The following RCBTB1 variants were observed in gnomAD, a reference collection of about 807,000 sequenced individuals.
The protein encoded by RCBTB1 is RCC1 and BTB domain containing protein 1.
A neutral mutation model predicts 62.4 loss-of-function variants in RCBTB1; 46 were observed. The observed-to-expected ratio is 0.74, with a 90% CI of 0.58 to 0.94. The LOEUF (loss-of-function observed/expected upper bound fraction) is 0.94, where lower values mean the gene tolerates loss of function less well. Ranked by LOEUF, RCBTB1 falls within the 40% of genes least tolerant of loss-of-function variation. The pLI is 0.00. For synonymous variants in RCBTB1, 222 were observed against 245.8 expected, an observed-to-expected ratio of 0.90 and a Z score of 0.91; for missense variants, 565 against 654.9, an observed-to-expected ratio of 0.86 and a Z score of 1.50.
At chr13:49,549,820 C>T (rs1409088381) in intron 8 of RCBTB1, 172 bp from the exon 9 acceptor site, 1 of 985,286 alleles carries the variant, frequency 1.0e-6, no homozygotes, top group African/African-American at 1.7e-5. Flanking sequence ...GGCAAGAGCA[C>T]TGTTCTCCTT....
At chr13:49,585,291 G>A (rs1033101897) in intron 1 of RCBTB1, among the ~76,000 whole-genome samples, 153 bp downstream of exon 1, 4 of 152,116 alleles carry the variant, frequency 2.6e-5, no homozygotes, top group African/African-American at 9.7e-5. Context: ...CCCGGACGCA[G>A]CGCCCGCAGG....
intron 12 of RCBTB1, among the ~76,000 whole-genome samples, chr13:49,537,327 T>A (rs112431182): frequency 7.7e-4 from 118 of 152,354 alleles, no homozygotes; most frequent in African/African-American, 2.8e-3. Flanking sequence ...TCTCAAAATG[T>A]ACTTAAACAT....
chr13:49,575,515 T>C (rs180906381), intron 2 of RCBTB1, among the ~76,000 whole-genome samples: 50 of 151,352 alleles, frequency 3.3e-4, no homozygotes, highest in South Asian at 2.7e-3. Flanking sequence ...TAGGTGCCCG[T>C]TGACAGTAGA....
chr13:49,583,569 T>TG (rs1463159811), intron 1 of RCBTB1, among the ~76,000 whole-genome samples: 36 of 152,128 alleles, frequency 2.4e-4, no homozygotes, highest in Middle Eastern at 3.4e-3. Context: ...TTTTTTGAGA[T>TG]GGAGTCTCAC....
chr13:49,544,207 C>T (rs1317909481), intron 10 of RCBTB1, among the ~76,000 whole-genome samples: 2 of 152,176 alleles, frequency 1.3e-5, no homozygotes, highest in African/African-American at 4.8e-5. Context: ...TGGTAGCTCA[C>T]ATCTGTAATG....
In RCBTB1 at chr13:49,555,668, A is replaced by T; in HGVS notation, c.450T>A (p.Phe150Leu). The T allele has an allele frequency of 1.9e-6, 3 of 1,584,268 alleles. No homozygotes were observed. Among genetic ancestry groups the T allele is most frequent in the Non-Finnish European group, 2.6e-6 (3 of 1,165,038 alleles). The change falls in exon 6 of 13, where the codon TTT becomes TTA. Residue 150 changes from phenylalanine to leucine, a missense_variant. Phe to Leu is a conservative substitution (Grantham distance 22). Transcript: ENST00000378302. ...GGCCACAGTTGTTATAACCCCAAGCAAACACCTACAAGAGAAAGAAAAAGG... is the reference window on the plus strand; with the variant it reads ...GGCCACAGTTGTTATAACCCCAAGCTAACACCTACAAGAGAAAGAAAAAGG... ...SMALAADGEV[F>L]AWGYNNCGQV... is the part of the protein sequence containing the mutation.
intron 4 of RCBTB1, among the ~76,000 whole-genome samples, chr13:49,562,136 T>C (rs1962489695): frequency 6.6e-6 from 1 of 151,236 alleles, no homozygotes; most frequent in Admixed American, 6.6e-5. Flanking sequence ...AAATAACCTG[T>C]AATTCTAAAT....
chr13:49,535,150 C>T (rs1959840898), intron 12 of RCBTB1, among the ~76,000 whole-genome samples: 2 of 152,178 alleles, frequency 1.3e-5, no homozygotes, highest in Middle Eastern at 3.4e-3. Context: ...TATCTCAGAA[C>T]ATCACCCCCA....
intron 1 of RCBTB1, among the ~76,000 whole-genome samples, chr13:49,583,661 C>T (rs1328568143): frequency 6.6e-6 from 1 of 152,058 alleles, no homozygotes; most frequent in Non-Finnish European, 1.5e-5. Context: ...ATTCTCGTAC[C>T]TCAGCCTCCT....
At chr13:49,551,817 G>A (rs1046209662) in intron 7 of RCBTB1, among the ~76,000 whole-genome samples, 5 of 151,314 alleles carry the variant, frequency 3.3e-5, no homozygotes, top group Non-Finnish European at 7.4e-5. Context: ...GGAGAATGGC[G>A]TGAACTCGGG....
rs1961257960 is a variant in RCBTB1 at position 49,550,758 on chromosome 13, A to G, written c.854+568T>C. Among the ~76,000 whole-genome samples, 3 of 152,290 alleles carry G rather than the reference A, an allele frequency of 2.0e-5. No individual in the cohort carries two copies. In the South Asian group the frequency reaches 6.2e-4, roughly 32 times the overall value. The stretch of plus-strand genomic sequence containing the variant: ...TCACAGGTGGTTATTTCAGAGAGCT[A>G]CATAAGAATCATATCAACCTCATGT... On this transcript the variant is annotated intron_variant, in intron 8 of 12. Coordinates refer to ENST00000378302, the MANE Select transcript of RCBTB1 (RefSeq NM_018191.4).
chr13:49,541,641 C>G (rs781413981), intron 11 of RCBTB1, 35 bp downstream of exon 11: 5 of 1,574,666 alleles, frequency 3.2e-6, no homozygotes, highest in East Asian at 4.5e-5. Context: ...TATTCTCCAC[C>G]ATGCGGCTCG....
chr13:49,555,692 G>A lies in RCBTB1; in HGVS notation c.445-19C>T. ...CAAACACCTACAAGAGAAAGAAAAA[G>A]GAAAAGGAAAGAATAGTCAGGGTGA... is the stretch of plus-strand genomic sequence containing the variant. On this transcript the variant is annotated intron_variant, in intron 5 of 12. Transcript: ENST00000378302. 3.9e-6 allele frequency: 6 copies of A among 1,527,232 alleles called. No individual in the cohort carries two copies. The highest frequency in any genetic ancestry group is 2.3e-5 in the East Asian group (1 of 42,830). 94.6% of individuals were successfully genotyped at this position (1,527,232 alleles called of 1,614,324 possible). A position where few individuals can be genotyped will look rare whatever the true frequency, so the allele number is the denominator to read the frequency against.
chr13:49,575,563 T>A (rs960741867), intron 2 of RCBTB1, among the ~76,000 whole-genome samples: 4 of 151,988 alleles, frequency 2.6e-5, no homozygotes, highest in Admixed American at 2.0e-4. Flanking sequence ...CACCATGGAA[T>A]ACTACATGGC....
chr13:49,541,751 A>C lies in RCBTB1; in HGVS notation c.1249T>G (p.Ser417Ala). 6.2e-7 allele frequency: 1 copy of C among 1,614,200 alleles called. No individual in the cohort carries two copies. Among genetic ancestry groups the C allele is most frequent in the Non-Finnish European group, 8.5e-7 (1 of 1,180,032 alleles). The change falls in exon 11 of 13, where the codon TCT becomes GCT. Residue 417 changes from serine (S) to alanine (A), a missense_variant. Transcript: ENST00000378302. ...AGAAAGGCACGATACACTGGGTAAG[A>C]AAACTGATCGATTTCTATCACTTCC... ...MKEVIEIDQFSYPVYRAFLQY... is the reference protein window; with the variant it reads ...MKEVIEIDQFAYPVYRAFLQY...
chr13:49,557,971 A>T (rs1030244166), intron 5 of RCBTB1, among the ~76,000 whole-genome samples: 2 of 152,218 alleles, frequency 1.3e-5, no homozygotes, highest in Non-Finnish European at 2.9e-5. Flanking sequence ...AAATCCAAAC[A>T]TCCATGAACA....
intron 2 of RCBTB1, among the ~76,000 whole-genome samples, chr13:49,573,203 T>C (rs2137356276): frequency 6.6e-6 from 1 of 152,340 alleles, no homozygotes; most frequent in East Asian, 1.9e-4. Context: ...ATATGTCCTG[T>C]ATGATTACAA....
chr13:49,541,949 C>T (rs1960397562), intron 10 of RCBTB1, 122 bp from the exon 11 acceptor site: 2 of 1,111,032 alleles, frequency 1.8e-6, no homozygotes, highest in East Asian at 5.4e-5. Context: ...GGCGTGGTGG[C>T]TCATGCCTGT....
At chr13:49,583,384 GTA>G (rs376578621) in intron 1 of RCBTB1, among the ~76,000 whole-genome samples, 68 of 82,136 alleles carry the variant, frequency 8.3e-4, no homozygotes, top group African/African-American at 2.5e-3. Flanking sequence ...GTGCTTTTGT[GTA>G]TGTGTGTGTG....
Sources: allele counts gnomAD v4.1 joint callset (sites outside exome capture counted in the v4.1 genomes callset), GRCh38; gene constraint gnomAD v4.1.1; transcripts MANE v1.5; gene names NCBI Gene and HGNC (gene_info 2026-07-23, HGNC 2026-07-21).